The following MECOM variants were observed in gnomAD, a reference collection of about 807,000 sequenced individuals.
MECOM encodes the protein MDS1 and EVI1 complex locus.
Under a neutral mutation model 116.3 loss-of-function variants are expected in MECOM, and 13 were observed. That is an observed-to-expected ratio of 0.11 (90% confidence interval 0.07 to 0.18). MECOM has a LOEUF of 0.18. Among genes scored for constraint, MECOM ranks in the 10% least tolerant of loss-of-function variants. The pLI is 1.00. For synonymous variants in MECOM, 528 were observed against 535.2 expected (o/e 0.99, Z 0.19); for missense variants, 1,299 against 1,509.0 (o/e 0.86, Z 2.31).
At chr3:169,535,200 C>T (rs1759203866) in intron 1 of MECOM, among the ~76,000 whole-genome samples, 1 of 152,160 alleles carries the variant, frequency 6.6e-6, no homozygotes, top group Non-Finnish European at 1.5e-5. Context: ...GATGCGAAAG[C>T]CTAGGCACCC....
chr3:169,453,166 G>A (rs1745888674), intron 1 of MECOM, among the ~76,000 whole-genome samples: 1 of 152,190 alleles, frequency 6.6e-6, no homozygotes, highest in African/African-American at 2.4e-5. Flanking sequence ...GATTAATAAT[G>A]AGTCTCATTT....
chr3:169,659,440 A>ATTTTTTTTTTTTTTTTTT (rs56270349), intron 1 of MECOM, among the ~76,000 whole-genome samples: 2 of 62,146 alleles, frequency 3.2e-5, no homozygotes, highest in African/African-American at 1.2e-4. Context: ...CTAAACACAG[A>ATTTTTTTTTTTTTTTTTT]TTTTTTTTTT....
At chr3:169,186,155 T>C (rs977476532) in intron 2 of MECOM, among the ~76,000 whole-genome samples, 9 of 152,046 alleles carry the variant, frequency 5.9e-5, no homozygotes, top group Admixed American at 4.6e-4. Flanking sequence ...TCACTTGATC[T>C]CCTAAGGGCA....
At chr3:169,445,853 T>A (rs1744535185) in intron 1 of MECOM, among the ~76,000 whole-genome samples, 1 of 152,184 alleles carries the variant, frequency 6.6e-6, no homozygotes, top group Admixed American at 6.5e-5. Flanking sequence ...GAGACCTGGA[T>A]TCAAAGGAGA....
intron 2 of MECOM, among the ~76,000 whole-genome samples, chr3:169,263,085 A>C (rs1266737945): frequency 0.011 from 51 of 4,722 alleles, no homozygotes; most frequent in African/African-American, 0.028. Context: ...TGCTATATAT[A>C]TATATATATA....
intron 2 of MECOM, chr3:169,145,669 TG>T (rs1739673418): frequency 8.9e-6 from 2 of 224,588 alleles, no homozygotes; most frequent in African/African-American, 4.5e-5. Flanking sequence ...GTGGAAAACT[TG>T]TTAATTTCAA....
chr3:169,637,613 T>TG (rs746496928), intron 1 of MECOM, among the ~76,000 whole-genome samples: 3 of 152,210 alleles, frequency 2.0e-5, no homozygotes, highest in Non-Finnish European at 4.4e-5. Context: ...TTCGGACTGT[T>TG]GGAGAATATC....
At chr3:169,328,272 C>T (rs928888454) in intron 2 of MECOM, among the ~76,000 whole-genome samples, 3 of 152,284 alleles carry the variant, frequency 2.0e-5, no homozygotes, top group East Asian at 1.9e-4. Flanking sequence ...TCACCTTCTC[C>T]GTTGACATAA....
intron 2 of MECOM, among the ~76,000 whole-genome samples, chr3:169,213,144 A>C (rs1750993934): frequency 6.6e-6 from 1 of 151,708 alleles, no homozygotes; most frequent in Non-Finnish European, 1.5e-5. Flanking sequence ...ATCAATTTTC[A>C]TCACAGGAAA....
chr3:169,258,011 A>G (rs1450012366), intron 2 of MECOM, among the ~76,000 whole-genome samples: 2 of 152,210 alleles, frequency 1.3e-5, no homozygotes, highest in African/African-American at 4.8e-5. Flanking sequence ...ACTTTAGGTC[A>G]AGGGTTTGAG....
intron 2 of MECOM, among the ~76,000 whole-genome samples, chr3:169,191,710 AAG>A (rs1747588659): frequency 2.1e-5 from 1 of 47,516 alleles, no homozygotes; most frequent in African/African-American, 6.1e-5. Context: ...AAAAGAAAGA[AAG>A]AAAGAAAAAA....
rs374337148 is a variant in MECOM, at chr3:169,127,972, A to G, written c.702T>C (p.Thr234=). ...LADHQKFPCS[T]PHSAFSMVEE... is the part of the protein sequence containing the mutation. ...CAACCATTGAAAATGCTGAGTGAGG[A>G]GTACTGCATGGAAACTTTTGGTGAT... The change falls in exon 5 of 17, where the codon ACT becomes ACC. Residue 234 remains threonine, a synonymous_variant. Coordinates refer to ENST00000651503, the MANE Select transcript of MECOM (RefSeq NM_004991.4). 2.3e-5 allele frequency: 37 copies of G among 1,613,966 alleles called. 1 individual carries two copies. The highest frequency in any genetic ancestry group is 2.5e-5 in the Non-Finnish European group (29 of 1,179,950).
intron 2 of MECOM, among the ~76,000 whole-genome samples, chr3:169,376,252 C>T (rs1209035410): frequency 1.3e-5 from 2 of 152,130 alleles, no homozygotes; most frequent in Non-Finnish European, 2.9e-5. Context: ...GGAAGCATTC[C>T]CTTTGAAAAC....
At chr3:169,208,471 A>C (rs989496296) in intron 2 of MECOM, among the ~76,000 whole-genome samples, 1 of 151,960 alleles carries the variant, frequency 6.6e-6, no homozygotes. Context: ...AGTTACTAGT[A>C]AAGGAAAGAC....
At chr3:169,211,303 A>G (rs1019058744) in intron 2 of MECOM, among the ~76,000 whole-genome samples, 1 of 152,038 alleles carries the variant, frequency 6.6e-6, no homozygotes, top group Non-Finnish European at 1.5e-5. Context: ...GATCTCAATG[A>G]TGAGATTGAT....
chr3:169,263,105 A>G (rs1399858774), intron 2 of MECOM, among the ~76,000 whole-genome samples: 811 of 75,324 alleles, frequency 0.011, 33 homozygotes, highest in East Asian at 0.014. Flanking sequence ...ATATATATAT[A>G]TATATATATA....
At chr3:169,533,595 T>TTTTTTTTTTTA (rs1758940853) in intron 1 of MECOM, among the ~76,000 whole-genome samples, 4 of 151,282 alleles carry the variant, frequency 2.6e-5, no homozygotes, top group Non-Finnish European at 4.4e-5. Context: ...TTTTTTTATT[T>TTTTTTTTTTTA]CCTTATGTCG....
chr3:169,321,453 T>C (rs563774735), intron 2 of MECOM, among the ~76,000 whole-genome samples: 35 of 151,998 alleles, frequency 2.3e-4, no homozygotes, highest in African/African-American at 8.2e-4. Context: ...GGCAGGAGAA[T>C]CACTTGAGCC....
At chr3:169,447,049 GTAAAA>G (rs1744757266) in intron 1 of MECOM, among the ~76,000 whole-genome samples, 1 of 152,270 alleles carries the variant, frequency 6.6e-6, no homozygotes, top group African/African-American at 2.4e-5. Context: ...GATCCTCATT[GTAAAA>G]TATTGAAATC....
Sources: allele counts gnomAD v4.1 joint callset (sites outside exome capture counted in the v4.1 genomes callset), GRCh38; gene constraint gnomAD v4.1.1; transcripts MANE v1.5; gene names NCBI Gene and HGNC (gene_info 2026-07-23, HGNC 2026-07-21).